The following CFAP95 variants were observed in gnomAD, a reference collection of about 807,000 sequenced individuals.
CFAP95 encodes the protein cilia and flagella associated protein 95, also known as cilia- and flagella-associated protein 95.
At chr9:69,857,109 A>G in the CFAP95 span, among the ~76,000 whole-genome samples, 168 of 152,350 alleles carry the variant, frequency 1.1e-3, 1 homozygote, top group African/African-American at 3.8e-3. Context: ...AAGTGTGCAT[A>G]GAAGTATTGA....
chr9:69,884,241 A>G, the CFAP95 span: 3 of 152,136 alleles, frequency 2.0e-5, no homozygotes, highest in Admixed American at 6.5e-5. Context: ...AAGTAATTTT[A>G]TTTTAGATAT....
At chr9:69,825,797 C>T in the CFAP95 span, among the ~76,000 whole-genome samples, 1 of 152,178 alleles carries the variant, frequency 6.6e-6, no homozygotes, top group African/African-American at 2.4e-5. Context: ...CTCATCTTTT[C>T]CTTGGCCAAA....
the CFAP95 span, among the ~76,000 whole-genome samples, chr9:69,825,709 C>G: frequency 1.3e-5 from 2 of 152,182 alleles, no homozygotes; most frequent in Non-Finnish European, 2.9e-5. Flanking sequence ...TGATGAAATA[C>G]TAAGAACCAC....
the CFAP95 span, among the ~76,000 whole-genome samples, chr9:69,900,882 A>G: frequency 6.6e-6 from 1 of 151,734 alleles, no homozygotes; most frequent in Admixed American, 6.6e-5. Context: ...TTTTTTTTTT[A>G]TGCTTTAAGT....
At chr9:69,875,624 G>A in the CFAP95 span, among the ~76,000 whole-genome samples, 1 of 152,142 alleles carries the variant, frequency 6.6e-6, no homozygotes, top group African/African-American at 2.4e-5. Context: ...TTCTGCTGGG[G>A]TTCCTGATAA....
At chr9:69,843,557 CCTT>C in the CFAP95 span, among the ~76,000 whole-genome samples, 96 of 14,700 alleles carry the variant, frequency 6.5e-3, no homozygotes, top group East Asian at 0.014. Context: ...TCCTCCTCCT[CCTT>C]CTTCTTCTTC....
chr9:69,887,022 G>T, the CFAP95 span: 4 of 653,716 alleles, frequency 6.1e-6, no homozygotes, highest in Admixed American at 9.0e-5. Context: ...TTTATTTTGA[G>T]ATATTAGCTG....
the CFAP95 span, chr9:69,844,522 G>T: frequency 1.9e-6 from 3 of 1,590,954 alleles, no homozygotes; most frequent in African/African-American, 1.4e-5. Context: ...TTAAGGCACC[G>T]TGACAGAGAA....
At chr9:69,860,075 T>C in the CFAP95 span, among the ~76,000 whole-genome samples, 1 of 152,254 alleles carries the variant, frequency 6.6e-6, no homozygotes, top group African/African-American at 2.4e-5. Flanking sequence ...TACTAAATAC[T>C]ACTGTAGACT....
the CFAP95 span, among the ~76,000 whole-genome samples, chr9:69,828,653 A>G: frequency 2.0e-5 from 3 of 152,232 alleles, no homozygotes; most frequent in African/African-American, 7.2e-5. Context: ...ACTGCACTCC[A>G]GCCTGGGTGA....
At chr9:69,871,484 T>A in the CFAP95 span, among the ~76,000 whole-genome samples, 4 of 151,540 alleles carry the variant, frequency 2.6e-5, no homozygotes, top group African/African-American at 7.3e-5. Flanking sequence ...GAGATTGCAA[T>A]CTTGAACGTA....
the CFAP95 span, chr9:69,857,847 G>A: frequency 6.6e-7 from 1 of 1,507,740 alleles, no homozygotes; most frequent in Non-Finnish European, 9.2e-7. Flanking sequence ...GTTTTACATG[G>A]CTTTGAAAGT....
At chr9:69,869,867 C>G in the CFAP95 span, among the ~76,000 whole-genome samples, 8 of 152,152 alleles carry the variant, frequency 5.3e-5, no homozygotes, top group East Asian at 1.5e-3. Flanking sequence ...ATTAGTATTA[C>G]TCTTCATAAT....
chr9:69,879,788 T>C, the CFAP95 span, among the ~76,000 whole-genome samples: 1 of 152,180 alleles, frequency 6.6e-6, no homozygotes, highest in African/African-American at 2.4e-5. Flanking sequence ...ATTGGCCTGA[T>C]ATCTCCTATT....
chr9:69,875,102 C>G, the CFAP95 span, among the ~76,000 whole-genome samples: 8 of 152,136 alleles, frequency 5.3e-5, no homozygotes, highest in Admixed American at 5.2e-4. Context: ...GAGGAATATC[C>G]ATGTTGATTT....
the CFAP95 span, among the ~76,000 whole-genome samples, chr9:69,876,634 T>C: frequency 6.6e-6 from 1 of 152,130 alleles, no homozygotes; most frequent in South Asian, 2.1e-4. Flanking sequence ...TTTATTTCAT[T>C]TTATTTTACT....
the CFAP95 span, among the ~76,000 whole-genome samples, chr9:69,845,082 C>A: frequency 6.6e-6 from 1 of 152,156 alleles, no homozygotes. Flanking sequence ...ATACCCTGGT[C>A]TTTGGTTTCA....
the CFAP95 span, among the ~76,000 whole-genome samples, chr9:69,895,025 G>A: frequency 2.6e-5 from 4 of 151,768 alleles, no homozygotes; most frequent in African/African-American, 9.7e-5. Context: ...ACTAGGGTTA[G>A]ACAGTGTGAT....
At chr9:69,830,978 G>A in the CFAP95 span, among the ~76,000 whole-genome samples, 1 of 151,984 alleles carries the variant, frequency 6.6e-6, no homozygotes, top group South Asian at 2.1e-4. Context: ...GTTTTTGATA[G>A]GCATTAATCT....
Sources: allele counts gnomAD v4.1 joint callset (sites outside exome capture counted in the v4.1 genomes callset), GRCh38; gene constraint gnomAD v4.1.1; transcripts MANE v1.5; gene names NCBI Gene and HGNC (gene_info 2026-07-23, HGNC 2026-07-21).